The following ENDOD1 variants were observed in gnomAD, a reference collection of about 807,000 sequenced individuals.
ENDOD1 encodes the protein endonuclease domain-containing 1 protein.
A neutral mutation model predicts 6.5 loss-of-function variants in ENDOD1; 9 were observed. The ratio of observed to expected loss-of-function variants is 1.39; its 90% CI spans 0.84 to 2.43. ENDOD1 has a LOEUF of 2.43. Ranked by LOEUF, ENDOD1 falls within the 30% of genes most tolerant of loss-of-function variation. The pLI is 0.00. For missense variants in ENDOD1, 648 were observed against 635.5 expected, an observed-to-expected ratio of 1.02 and a Z score of -0.21; for synonymous variants, 255 against 255.2, an observed-to-expected ratio of 1.00 and a Z score of 0.01.
intron 1 of ENDOD1, among the ~76,000 whole-genome samples, chr11:95,120,542 A>G (rs904054733): frequency 6.6e-6 from 1 of 152,070 alleles, no homozygotes; most frequent in African/African-American, 2.4e-5. Flanking sequence ...TCCAAAATGC[A>G]AGACAAAGTT....
At chr11:95,120,115 C>A (rs189668391) in intron 1 of ENDOD1, among the ~76,000 whole-genome samples, 7 of 152,242 alleles carry the variant, frequency 4.6e-5, no homozygotes, top group Admixed American at 4.6e-4. Context: ...ATCCAAGAGC[C>A]AAGTCCTAGA....
intron 1 of ENDOD1, among the ~76,000 whole-genome samples, chr11:95,102,287 T>C (rs572862415): frequency 5.3e-5 from 8 of 152,194 alleles, no homozygotes; most frequent in African/African-American, 1.9e-4. Flanking sequence ...AAAGGGAAAT[T>C]ATTTTGCCTA....
chr11:95,113,126 A>G (rs1555112113), intron 1 of ENDOD1, among the ~76,000 whole-genome samples: 17 of 152,002 alleles, frequency 1.1e-4, no homozygotes. Context: ...CATAGTAGGT[A>G]TATATATTTA....
At chr11:95,121,476 A>G (rs1431322254) in intron 1 of ENDOD1, among the ~76,000 whole-genome samples, 1 of 152,228 alleles carries the variant, frequency 6.6e-6, no homozygotes, top group Non-Finnish European at 1.5e-5. Context: ...TTTCAGTTTC[A>G]ATGCCTCCTC....
At chr11:95,095,091 T>C (rs1156702306) in intron 1 of ENDOD1, among the ~76,000 whole-genome samples, 1 of 152,188 alleles carries the variant, frequency 6.6e-6, no homozygotes, top group Non-Finnish European at 1.5e-5. Flanking sequence ...TTGGATTAGA[T>C]AGGTGACATC....
Position 95,129,541 on chromosome 11 carries a change from G to C in ENDOD1, c.1465G>C (p.Gly489Arg), listed in dbSNP as rs1254288035. The C allele has an allele frequency of 1.2e-6, 2 of 1,613,810 alleles. No individual in the cohort carries two copies. Among genetic ancestry groups the C allele is most frequent in the Non-Finnish European group, 1.7e-6 (2 of 1,179,858 alleles). The change falls in exon 2 of 2, where the codon GGC becomes CGC. Residue 489 changes from glycine to arginine, a missense_variant. Transcript: ENST00000278505. Reference sequence around the variant, plus strand: ...GGTTTTTAGTGTCTGCAAGCGGATTGGCTACAAGGTTACTTTTGACAATTC... The same window carrying C: ...GGTTTTTAGTGTCTGCAAGCGGATTCGCTACAAGGTTACTTTTGACAATTC... Reference protein sequence around the residue: ...QVVFSVCKRIGYKVTFDNSGE... With the variant: ...QVVFSVCKRIRYKVTFDNSGE...
At chr11:95,091,528 C>G (rs1469010182) in intron 1 of ENDOD1, among the ~76,000 whole-genome samples, 2 of 152,248 alleles carry the variant, frequency 1.3e-5, no homozygotes, top group African/African-American at 4.8e-5. Flanking sequence ...AGCTGCACCC[C>G]TAGAGCTCAC....
chr11:95,104,122 C>T (rs1859067487), intron 1 of ENDOD1, among the ~76,000 whole-genome samples: 1 of 152,142 alleles, frequency 6.6e-6, no homozygotes, highest in Non-Finnish European at 1.5e-5. Context: ...CTGGGTTGCC[C>T]CCTCTGATCT....
chr11:95,128,005 C>G (rs1439962552), intron 1 of ENDOD1, among the ~76,000 whole-genome samples: 3 of 152,176 alleles, frequency 2.0e-5, no homozygotes, highest in Admixed American at 2.0e-4. Context: ...GATGATCCAC[C>G]CGCCTCAGCC....
chr11:95,102,165 C>T (rs1287396631), intron 1 of ENDOD1, among the ~76,000 whole-genome samples: 1 of 152,174 alleles, frequency 6.6e-6, no homozygotes, highest in Admixed American at 6.5e-5. Context: ...CAGATCTCCA[C>T]ATTTCTAATC....
intron 1 of ENDOD1, among the ~76,000 whole-genome samples, chr11:95,116,895 G>A (rs1267594840): frequency 1.3e-5 from 2 of 152,148 alleles, no homozygotes; most frequent in Non-Finnish European, 2.9e-5. Flanking sequence ...GATATGTTTT[G>A]CGACCTATCA....
intron 1 of ENDOD1, among the ~76,000 whole-genome samples, chr11:95,108,241 CACCGTCTTCTG>C (rs1374207425): frequency 6.6e-6 from 1 of 152,158 alleles, no homozygotes; most frequent in Non-Finnish European, 1.5e-5. Context: ...TCTTCCGTTC[CACCGTCTTCTG>C]ACTCGGGAGA....
chr11:95,103,100 G>GTGTGTGTGTGT (rs1555111075), intron 1 of ENDOD1, among the ~76,000 whole-genome samples: 7 of 85,614 alleles, frequency 8.2e-5, no homozygotes, highest in South Asian at 7.0e-4. Flanking sequence ...AGGCAGAGTG[G>GTGTGTGTGTGT]GTGTGTGTGT....
At position 95,089,972 on chromosome 11, in the gene ENDOD1, G is replaced by A. The variant is rs1294464654; in HGVS notation, c.45G>A (p.Leu15=). ...TCGCGCTGGGCAGCCTCTTCGCCCT[G>A]GCTGGGCTGCTGGAAGGCCGGCTCG... The part of the protein sequence containing the change: ...RWLALGSLFA[L]AGLLEGRLVG... Residue 15 remains leucine, a synonymous_variant, in exon 1 of 2, where the codon CTG becomes CTA. Transcript: ENST00000278505. 1.9e-6 allele frequency: 3 copies of A among 1,541,032 alleles called. No individual in the cohort carries two copies. Among genetic ancestry groups the A allele is most frequent in the Non-Finnish European group, 2.6e-6 (3 of 1,144,044 alleles).
chr11:95,103,528 T>C (rs527419188), intron 1 of ENDOD1, among the ~76,000 whole-genome samples: 1 of 152,286 alleles, frequency 6.6e-6, no homozygotes, highest in East Asian at 1.9e-4. Context: ...GTCCCTGCCC[T>C]TGGGTGTCTT....
At position 95,130,279 on chromosome 11, in the gene ENDOD1, A is replaced by C. The variant is rs1269239658; in HGVS notation, c.*700A>C. On this transcript the variant is annotated 3_prime_UTR_variant, in exon 2 of 2. Coordinates refer to ENST00000278505, the MANE Select transcript of ENDOD1 (RefSeq NM_015036.3). ...AGGTAATGGTAAGCATTTTATGCCA[A>C]ATGTGGCATAACAGAGTTTGAATTG... 6.6e-6 allele frequency: 1 copy of C among 152,066 alleles called. No individual in the cohort carries two copies. Among genetic ancestry groups the C allele is most frequent in the African/African-American group, 2.4e-5 (1 of 41,410 alleles). 9.4% of individuals were successfully genotyped at this position (152,066 alleles called of 1,614,324 possible). A position where few individuals can be genotyped will look rare whatever the true frequency, so the allele number is the denominator to read the frequency against.
chr11:95,128,588 A>G lies in ENDOD1; in HGVS notation c.512A>G (p.Gln171Arg). Residue 171 changes from glutamine (Q) to arginine (R), a missense_variant, in exon 2 of 2, where the codon CAG becomes CGG. Physicochemically the swap from Gln to Arg is conservative, Grantham distance 43. Transcript: ENST00000278505. ...TNSAPMTQSF[Q>R]ERWYVNLHSL... ...TCAGCCCCAATGACTCAGTCCTTCC[A>G]GGAACGGTGGTATGTGAATCTCCAC... The G allele has an allele frequency of 6.2e-7, 1 of 1,614,234 alleles. No homozygotes were observed. The highest frequency in any genetic ancestry group is 8.5e-7 in the Non-Finnish European group (1 of 1,180,046).
chr11:95,099,229 C>T (rs1555110626), intron 1 of ENDOD1, among the ~76,000 whole-genome samples: 1 of 152,182 alleles, frequency 6.6e-6, no homozygotes, highest in Non-Finnish European at 1.5e-5. Flanking sequence ...AAATGGATCA[C>T]CCAAAAACTG....
intron 1 of ENDOD1, among the ~76,000 whole-genome samples, chr11:95,121,982 G>A (rs906395600): frequency 4.6e-5 from 7 of 152,188 alleles, no homozygotes; most frequent in African/African-American, 9.7e-5. Context: ...GATCAGTGGT[G>A]TGTGCAAATG....
Sources: gnomAD v4.1 joint callset for allele counts (sites outside exome capture counted in the v4.1 genomes callset) on GRCh38, gnomAD v4.1.1 for gene constraint, MANE v1.5 for transcripts, NCBI Gene and HGNC (gene_info 2026-07-23, HGNC 2026-07-21) for gene names.